Variants in NEURL1B observed in about 807,000 individuals in gnomAD.
NEURL1B encodes the protein neuralized E3 ubiquitin protein ligase 1B, also known as E3 ubiquitin-protein ligase NEURL1B.
A neutral mutation model predicts 37.4 loss-of-function variants in NEURL1B; 13 were observed. The observed-to-expected ratio is 0.35, with a 90% CI of 0.23 to 0.55. The LOEUF (loss-of-function observed/expected upper bound fraction) is 0.55, where lower values mean the gene tolerates loss of function less well. NEURL1B is among the 20% of genes least tolerant of loss of function. The pLI, the probability that NEURL1B is intolerant of heterozygous loss-of-function variation, is 0.89. For missense variants in NEURL1B, 790 were observed against 879.2 expected, an observed-to-expected ratio of 0.90 and a Z score of 1.28; for synonymous variants, 432 against 426.6, an observed-to-expected ratio of 1.01 and a Z score of -0.16.
chr5:172,684,055 G>T lies in NEURL1B; in HGVS notation c.1214G>T (p.Arg405Leu). The stretch of plus-strand genomic sequence containing the variant: ...GGCATCAACGGGCGTCCGCGCGGCC[G>T]CCTGCTGTGCGTCGACACCACGCAG... ...LLGINGRPRG[R>L]LLCVDTTQAL... The change falls in exon 3 of 5, where the codon CGC becomes CTC. Residue 405 changes from arginine (R) to leucine (L), a missense_variant. This residue lies in a region of NEURL1B where 460 missense variants were observed against 407.4 expected (regional missense o/e 1.13). Coordinates refer to ENST00000369800, the MANE Select transcript of NEURL1B (RefSeq NM_001142651.3). 1 of 1,326,892 alleles carries T rather than the reference G, an allele frequency of 7.5e-7. No homozygotes were observed. Among genetic ancestry groups the T allele is most frequent in the East Asian group, 3.3e-5 (1 of 30,194 alleles). The allele number at this position is 1,326,892 out of a possible 1,614,324, so 82.2% of individuals were successfully genotyped here.
chr5:172,658,897 C>T (rs1039669918), intron 1 of NEURL1B, among the ~76,000 whole-genome samples: 2 of 152,158 alleles, frequency 1.3e-5, no homozygotes, highest in Admixed American at 1.3e-4. Context: ...CCTGGGGCTC[C>T]GTCCCCCTGC....
chr5:172,685,703 T>C (rs903497790), intron 3 of NEURL1B, among the ~76,000 whole-genome samples: 3 of 152,242 alleles, frequency 2.0e-5, no homozygotes, highest in African/African-American at 7.2e-5. Flanking sequence ...TGCCTCTGTG[T>C]TGGCATCACT....
Position 172,641,450 on chromosome 5 carries a change from G to C in NEURL1B, c.31+13G>C. 2 of 1,316,286 alleles carry C rather than the reference G, an allele frequency of 1.5e-6. No individual in the cohort carries two copies. The highest frequency in any genetic ancestry group is 9.7e-7 in the Non-Finnish European group (1 of 1,034,462). The allele number at this position is 1,316,286 out of a possible 1,614,324, so 81.5% of individuals were successfully genotyped here. On this transcript the variant is annotated intron_variant, in intron 1 of 4. Coordinates refer to ENST00000369800, the MANE Select transcript of NEURL1B (RefSeq NM_001142651.3). This position sits in a 1 kb window ranked among gnomAD's most constrained non-coding sequence, Gnocchi z 6.4. ...CGGACCCTGCCAGGTACGCCGGGGA[G>C]CCCTGCCCGGGAGGCGGGCGCCGGG...
At position 172,684,136 on chromosome 5, in the gene NEURL1B, T is replaced by A; in HGVS notation, c.1295T>A (p.Leu432His). The A allele has an allele frequency of 1.6e-6, 2 of 1,246,040 alleles. No homozygotes were observed. The highest frequency in any genetic ancestry group is 3.1e-5 in the African/African-American group (2 of 63,676). 77.2% of individuals were successfully genotyped at this position (1,246,040 alleles called of 1,614,324 possible). A position where few individuals can be genotyped will look rare whatever the true frequency, so the allele number is the denominator to read the frequency against. ...GGCGTCGCGGGCCAGCTGCGTCTCC[T>A]CGGTGAGTCCCCGGCCCCGCGTGCG... ...RGGVAGQLRL[L>H]GTLQSSPATT... is the part of the protein sequence containing the mutation. Residue 432 changes from leucine (L) to histidine (H), a missense_variant and splice_region_variant, in exon 3 of 5, where the codon CTC becomes CAC. Around this residue, in one of 3 missense-constraint regions of NEURL1B, gnomAD observed 460 missense variants for 407.4 expected, o/e 1.13. Transcript: ENST00000369800.
At chr5:172,649,520 C>A (rs1757623340) in intron 1 of NEURL1B, among the ~76,000 whole-genome samples, 1 of 151,950 alleles carries the variant, frequency 6.6e-6, no homozygotes, top group South Asian at 2.1e-4. Context: ...CACTGCCACA[C>A]CCGGCTAAAT....
Position 172,676,152 on chromosome 5 carries a change from G to GGAA in NEURL1B, c.577+5823_577+5825dup, listed in dbSNP as rs1221522037. Among the ~76,000 whole-genome samples the GGAA allele has an allele frequency of 6.8e-6, 1 of 146,340 alleles. No individual in the cohort carries two copies. The highest frequency in any genetic ancestry group is 1.5e-5 in the Non-Finnish European group (1 of 66,748). Reference sequence around the variant, plus strand: ...AGAAACTCAGTTCAGTCTCACTTAAGGAAAAAAAAAAAAAAAGAGGAAGCA... The same window carrying GGAA: ...AGAAACTCAGTTCAGTCTCACTTAAGGAAGAAAAAAAAAAAAAAAGAGGAAGCA... On this transcript the variant is annotated intron_variant, in intron 2 of 4. Coordinates refer to ENST00000369800, the MANE Select transcript of NEURL1B (RefSeq NM_001142651.3). The surrounding 1 kb of genome is among the most constrained non-coding windows in gnomAD (Gnocchi z 4.5).
chr5:172,659,807 A>G (rs975198831), intron 1 of NEURL1B, among the ~76,000 whole-genome samples: 2 of 151,866 alleles, frequency 1.3e-5, no homozygotes, highest in Non-Finnish European at 1.5e-5. Flanking sequence ...TCTCATCTCC[A>G]GGCCTTTGCT....
At position 172,690,531 on chromosome 5, in the gene NEURL1B, C is replaced by G. The variant is rs900414937; in HGVS notation, c.*3606C>G. ...AGAAACATTTGCTGAGTACCTAGTA[C>G]GTGTGAGGTGCTGTGAGGATAGAGC... On this transcript the variant is annotated 3_prime_UTR_variant, in exon 5 of 5. Coordinates refer to ENST00000369800, the MANE Select transcript of NEURL1B (RefSeq NM_001142651.3). 3 of 152,206 alleles carry G rather than the reference C, an allele frequency of 2.0e-5. No individual in the cohort carries two copies. Among genetic ancestry groups the G allele is most frequent in the Non-Finnish European group, 2.9e-5 (2 of 68,064 alleles). 9.4% of individuals were successfully genotyped at this position (152,206 alleles called of 1,614,324 possible). A position where few individuals can be genotyped will look rare whatever the true frequency, so the allele number is the denominator to read the frequency against.
chr5:172,685,161 C>T (rs1231205147), intron 3 of NEURL1B, among the ~76,000 whole-genome samples: 1 of 152,198 alleles, frequency 6.6e-6, no homozygotes, highest in Non-Finnish European at 1.5e-5. Context: ...ATACCTGCTT[C>T]ATGGGGTTGT....
chr5:172,676,723 A>G lies in NEURL1B; in HGVS notation c.577+6393A>G, dbSNP rs557901028. Among the ~76,000 whole-genome samples the G allele has an allele frequency of 7.9e-5, 12 of 152,324 alleles. No homozygotes were observed. Among genetic ancestry groups the G allele is most frequent in the African/African-American group, 2.9e-4 (12 of 41,578 alleles). On this transcript the variant is annotated intron_variant, in intron 2 of 4. Coordinates refer to ENST00000369800, the MANE Select transcript of NEURL1B (RefSeq NM_001142651.3). This position sits in a 1 kb window ranked among gnomAD's most constrained non-coding sequence, Gnocchi z 4.5. ...AGATCCCTTGTTAAAGATAGTTACT[A>G]GGCACTTACTCTGTGCCAGGCACAA...
chr5:172,653,897 C>G (rs1757715308), intron 1 of NEURL1B, among the ~76,000 whole-genome samples: 1 of 152,104 alleles, frequency 6.6e-6, no homozygotes, highest in Non-Finnish European at 1.5e-5. Context: ...CCTCAACTTT[C>G]TGACTTACTG....
Position 172,687,025 on chromosome 5 carries a change from C to G in NEURL1B, c.*100C>G, listed in dbSNP as rs1055309072. 34 of 1,360,408 alleles carry G rather than the reference C, an allele frequency of 2.5e-5. No homozygotes were observed. The African/African-American group carries it at 4.3e-4, about 17-fold the overall frequency. 84.3% of individuals were successfully genotyped at this position (1,360,408 alleles called of 1,614,324 possible). A position where few individuals can be genotyped will look rare whatever the true frequency, so the allele number is the denominator to read the frequency against. ...CTGCCAGGGAGTCCACGGGCAGCGG[C>G]CATCTCTCCAGTGGTGGGCAAGGTG... On this transcript the variant is annotated 3_prime_UTR_variant, in exon 5 of 5. Coordinates refer to ENST00000369800, the MANE Select transcript of NEURL1B (RefSeq NM_001142651.3).
chr5:172,686,366 G>A lies in NEURL1B; in HGVS notation c.1423+70G>A. The stretch of plus-strand genomic sequence containing the variant: ...CCTGGCTCCTCCGGCTGTGCCAGTG[G>A]CCTTCCAGGGACTGAGCAGGGTGGC... On this transcript the variant is annotated intron_variant, in intron 4 of 4. Coordinates refer to ENST00000369800, the MANE Select transcript of NEURL1B (RefSeq NM_001142651.3). The surrounding 1 kb of genome is among the most constrained non-coding windows in gnomAD (Gnocchi z 7.9). The A allele has an allele frequency of 6.7e-7, 1 of 1,498,944 alleles. No individual in the cohort carries two copies. The highest frequency in any genetic ancestry group is 9.0e-7 in the Non-Finnish European group (1 of 1,106,436). 92.9% of individuals were successfully genotyped at this position (1,498,944 alleles called of 1,614,324 possible). A position where few individuals can be genotyped will look rare whatever the true frequency, so the allele number is the denominator to read the frequency against.
chr5:172,679,165 G>A (rs1472803706), intron 2 of NEURL1B, among the ~76,000 whole-genome samples: 3 of 152,258 alleles, frequency 2.0e-5, no homozygotes, highest in Admixed American at 6.5e-5. Context: ...CAGCAGCATT[G>A]GGAGGCAGTA....
intron 1 of NEURL1B, among the ~76,000 whole-genome samples, chr5:172,645,478 A>G (rs1455265382): frequency 2.0e-5 from 3 of 152,228 alleles, no homozygotes; most frequent in African/African-American, 7.2e-5. Context: ...AGGGCCTGGC[A>G]GCCACTGTTT....
At chr5:172,648,232 T>C (rs571029532) in intron 1 of NEURL1B, among the ~76,000 whole-genome samples, 40 of 152,346 alleles carry the variant, frequency 2.6e-4, no homozygotes, top group African/African-American at 9.1e-4. Flanking sequence ...GAGAATGATG[T>C]TACCTCTCAG....
rs1298957617 is a variant in NEURL1B at position 172,683,620 on chromosome 5, C to T, written c.779C>T (p.Pro260Leu). Reference protein sequence around the residue: ...PPADAAAAAIPCGPRERPRPA... With the variant: ...PPADAAAAAILCGPRERPRPA... ...GCCGACGCCGCGGCCGCCGCCATTC[C>T]GTGCGGGCCCCGTGAGCGCCCGCGG... The change falls in exon 3 of 5, where the codon CCG becomes CTG. Residue 260 changes from proline (P) to leucine (L), a missense_variant. This residue lies in a region of NEURL1B where 460 missense variants were observed against 407.4 expected (regional missense o/e 1.13). Coordinates refer to ENST00000369800, the MANE Select transcript of NEURL1B (RefSeq NM_001142651.3). The surrounding 1 kb of genome is among the most constrained non-coding windows in gnomAD (Gnocchi z 5.6). 1.6e-6 allele frequency: 2 copies of T among 1,214,196 alleles called. No individual in the cohort carries two copies. The highest frequency in any genetic ancestry group is 1.6e-5 in the African/African-American group (1 of 61,436). 75.2% of individuals were successfully genotyped at this position (1,214,196 alleles called of 1,614,324 possible).
At chr5:172,672,725 A>G (rs1414087541) in intron 2 of NEURL1B, among the ~76,000 whole-genome samples, 1 of 152,230 alleles carries the variant, frequency 6.6e-6, no homozygotes, top group South Asian at 2.1e-4. Context: ...CACAGGTGCC[A>G]CAGGACAATG....
At chr5:172,668,911 C>T (rs1204638828) in intron 1 of NEURL1B, among the ~76,000 whole-genome samples, 2 of 152,170 alleles carry the variant, frequency 1.3e-5, no homozygotes, top group Non-Finnish European at 2.9e-5. Flanking sequence ...TCCTTCAGAG[C>T]AGAATGTCTT....
Sources: gnomAD v4.1 joint callset for allele counts (sites outside exome capture counted in the v4.1 genomes callset) on GRCh38, gnomAD v4.1.1 for gene constraint, gnomAD v4.1.1 regional missense constraint, Gnocchi (gnomAD v3.1) non-coding constraint, MANE v1.5 for transcripts, NCBI Gene and HGNC (gene_info 2026-07-23, HGNC 2026-07-21) for gene names.